CRACD: variants seen among roughly 807,000 people sequenced by gnomAD.
CRACD encodes capping protein inhibiting regulator of actin dynamics, also known as capping protein-inhibiting regulator of actin dynamics.
Under a neutral mutation model 106.8 loss-of-function variants are expected in CRACD, and 56 were observed. That is an observed-to-expected ratio of 0.52 (90% confidence interval 0.42 to 0.66). The LOEUF (loss-of-function observed/expected upper bound fraction) is 0.66. CRACD is among the 30% of genes least tolerant of loss of function. CRACD has a pLI of 0.00. For missense variants in CRACD, 1,730 were observed against 1,623.2 expected (o/e 1.07, Z -1.13); for synonymous variants, 754 against 670.8 (o/e 1.12, Z -1.92).
At chr4:56,316,736 G>T in intron 8 of CRACD, 47 bp downstream of exon 8, 1 of 1,470,410 alleles carries the variant, frequency 6.8e-7, no homozygotes, top group South Asian at 1.5e-5. Context: ...AGGTGTCAGA[G>T]CCAGGGCATC....
chr4:56,237,938 T>C (rs980649128), intron 2 of CRACD, among the ~76,000 whole-genome samples: 11 of 152,068 alleles, frequency 7.2e-5, no homozygotes, highest in Non-Finnish European at 1.6e-4. Flanking sequence ...ATATATGTGT[T>C]ATATGTATTG....
chr4:56,322,801 G>A (rs541999536), intron 8 of CRACD, among the ~76,000 whole-genome samples: 60 of 152,222 alleles, frequency 3.9e-4, no homozygotes, highest in Non-Finnish European at 8.2e-4. Context: ...GGCCAAGGCA[G>A]GTGGATCACT....
intron 1 of CRACD, among the ~76,000 whole-genome samples, chr4:56,171,108 G>T (rs1560470641): frequency 6.6e-6 from 1 of 152,130 alleles, no homozygotes; most frequent in Non-Finnish European, 1.5e-5. Context: ...CATGGAAAAT[G>T]ACAGAGAATG....
At chr4:56,183,240 T>C (rs1193001018) in intron 2 of CRACD, among the ~76,000 whole-genome samples, 1 of 101,922 alleles carries the variant, frequency 9.8e-6, no homozygotes, top group African/African-American at 4.7e-5. Context: ...TCTCAAAAAA[T>C]AAAATAAAAT....
rs77979939 is a variant in CRACD, at chr4:56,295,493, T to C, written c.-16-2721T>C. ...AGATCTTTGCCGGCAACAGGAATGTTTGGAGTTCAACACCAAAGAGCAGGA... is the reference window on the plus strand; with the variant it reads ...AGATCTTTGCCGGCAACAGGAATGTCTGGAGTTCAACACCAAAGAGCAGGA... On this transcript the variant is annotated intron_variant, in intron 3 of 10. Coordinates refer to ENST00000682029, the MANE Select transcript of CRACD (RefSeq NM_001393381.1). Among the ~76,000 whole-genome samples, 1,063 of 151,824 alleles carry C rather than the reference T, an allele frequency of 7.0e-3. 11 individuals carry two copies. Among genetic ancestry groups the C allele is most frequent in the African/African-American group, 0.024 (997 of 41,448 alleles).
intron 1 of CRACD, among the ~76,000 whole-genome samples, chr4:56,053,091 G>C (rs968049516): frequency 6.6e-6 from 1 of 152,252 alleles, no homozygotes; most frequent in Middle Eastern, 3.4e-3. Context: ...GCATCCAAAG[G>C]TTTAATATAT....
At chr4:56,076,599 G>A (rs1167544960) in intron 1 of CRACD, among the ~76,000 whole-genome samples, 2 of 152,122 alleles carry the variant, frequency 1.3e-5, no homozygotes, top group Non-Finnish European at 2.9e-5. Flanking sequence ...CCTGCCACTG[G>A]GCCTTTATGC....
Position 56,059,705 on chromosome 4 carries a change from A to G in CRACD, c.-336+10406A>G, listed in dbSNP as rs141048629. The stretch of plus-strand genomic sequence containing the variant: ...GTGCTTTGTTTTTTTCTTTTTTGAG[A>G]CAGGTTCTCACTCTGTTGCCCAGGC... On this transcript the variant is annotated intron_variant, in intron 1 of 10. Coordinates refer to ENST00000682029, the MANE Select transcript of CRACD (RefSeq NM_001393381.1). 3.8e-3 allele frequency among the ~76,000 whole-genome samples: 572 copies of G among 152,120 alleles called. 5 individuals carry two copies. The highest frequency in any genetic ancestry group is 0.013 in the African/African-American group (548 of 41,496).
intron 2 of CRACD, among the ~76,000 whole-genome samples, chr4:56,218,348 G>C (rs1016218992): frequency 6.6e-6 from 1 of 151,904 alleles, no homozygotes. Flanking sequence ...CTGGGCTCAA[G>C]CAGTCCTCCT....
chr4:56,234,627 C>G (rs1739853007), intron 2 of CRACD, among the ~76,000 whole-genome samples: 1 of 151,806 alleles, frequency 6.6e-6, no homozygotes, highest in South Asian at 2.1e-4. Flanking sequence ...TGAAACAAAG[C>G]TTAGAGAAGA....
At chr4:56,117,314 C>G (rs533151468) in intron 1 of CRACD, among the ~76,000 whole-genome samples, 2 of 152,260 alleles carry the variant, frequency 1.3e-5, no homozygotes, top group South Asian at 4.1e-4. Flanking sequence ...AGCCTCCGTG[C>G]CCGGCCCGAA....
At chr4:56,089,706 A>G (rs2412724) in intron 1 of CRACD, among the ~76,000 whole-genome samples, 108,447 of 151,516 alleles carry the variant, frequency 0.72, 39,571 homozygotes, top group African/African-American at 0.86. Context: ...TAGAGGCGGG[A>G]TTTCTCTGGT....
intron 2 of CRACD, among the ~76,000 whole-genome samples, chr4:56,242,584 T>C (rs1740430329): frequency 2.6e-5 from 4 of 152,036 alleles, no homozygotes; most frequent in Admixed American, 2.6e-4. Context: ...CCTGCAAGGA[T>C]GAGCACCCCA....
intron 1 of CRACD, among the ~76,000 whole-genome samples, chr4:56,091,591 G>A (rs1247878738): frequency 4.6e-5 from 7 of 152,092 alleles, no homozygotes. Flanking sequence ...AGGGGCTGTG[G>A]GAAAGTGAAA....
At chr4:56,226,170 A>G (rs1259352396) in intron 2 of CRACD, among the ~76,000 whole-genome samples, 1 of 152,198 alleles carries the variant, frequency 6.6e-6, no homozygotes, top group African/African-American at 2.4e-5. Context: ...AAGGGCAGGA[A>G]TCATGCCTTA....
intron 2 of CRACD, among the ~76,000 whole-genome samples, chr4:56,265,148 A>T (rs1305545984): frequency 6.6e-6 from 1 of 152,236 alleles, no homozygotes. Context: ...TGACAGCCAC[A>T]GAGGACTTGT....
At chr4:56,242,493 C>T (rs1740421426) in intron 2 of CRACD, among the ~76,000 whole-genome samples, 1 of 152,054 alleles carries the variant, frequency 6.6e-6, no homozygotes, top group Non-Finnish European at 1.5e-5. Context: ...CACTAGGAGG[C>T]GTGTAGCCCT....
intron 2 of CRACD, among the ~76,000 whole-genome samples, chr4:56,196,615 A>T (rs1451206191): frequency 6.6e-6 from 1 of 152,226 alleles, no homozygotes; most frequent in Middle Eastern, 3.2e-3. Flanking sequence ...GCTTAAACAG[A>T]TGCCATCCGT....
chr4:56,165,097 T>G (rs924033218), intron 1 of CRACD, among the ~76,000 whole-genome samples: 1 of 152,212 alleles, frequency 6.6e-6, no homozygotes, highest in Non-Finnish European at 1.5e-5. Flanking sequence ...GTTAAGGAAG[T>G]TCAGGTGAAT....
Sources: gnomAD v4.1 joint callset for allele counts (sites outside exome capture counted in the v4.1 genomes callset) on GRCh38, gnomAD v4.1.1 for gene constraint, MANE v1.5 for transcripts, NCBI Gene and HGNC (gene_info 2026-07-23, HGNC 2026-07-21) for gene names.